Variants in SCN11A observed in about 807,000 individuals in gnomAD.
SCN11A encodes the protein sodium voltage-gated channel alpha subunit 11, also known as sodium channel protein type 11 subunit alpha.
Under a neutral mutation model 162.2 loss-of-function variants are expected in SCN11A, and 122 were observed. That is an observed-to-expected ratio of 0.75 (90% confidence interval 0.65 to 0.87). The LOEUF (loss-of-function observed/expected upper bound fraction) is 0.87, where lower values mean the gene tolerates loss of function less well. Ranked by LOEUF, SCN11A falls within the 40% of genes least tolerant of loss-of-function variation. The pLI is 0.00. For missense variants in SCN11A, 2,015 were observed against 2,181.6 expected, an observed-to-expected ratio of 0.92 and a Z score of 1.52; for synonymous variants, 758 against 751.5, an observed-to-expected ratio of 1.01 and a Z score of -0.14.
At position 38,847,009 on chromosome 3, in the gene SCN11A, G is replaced by A. The variant is rs75856434; in HGVS notation, c.5061C>T (p.Phe1687=). The A allele has an allele frequency of 1.8e-3, 2,879 of 1,614,018 alleles. 43 individuals are homozygous for A. The African/African-American group carries it at 0.033, about 19-fold the overall frequency. ...EDRLHCMDIL[F]AFTARVLGGS... The stretch of plus-strand genomic sequence containing the variant: ...CACCGAGTACCCTAGCGGTGAAGGC[G>A]AAAAGAATATCCATGCAGTGGAGGC... Residue 1687 remains phenylalanine (F), a synonymous_variant, in exon 30 of 30, where the codon TTC becomes TTT. Transcript: ENST00000302328.
intron 1 of SCN11A, among the ~76,000 whole-genome samples, chr3:39,039,687 G>A (rs1363354686): frequency 6.6e-6 from 1 of 152,180 alleles, no homozygotes; most frequent in Non-Finnish European, 1.5e-5. Flanking sequence ...TGCCTGGCCA[G>A]CCACCTGGTA....
intron 2 of SCN11A, among the ~76,000 whole-genome samples, chr3:39,010,701 A>G (rs2031106824): frequency 2.0e-5 from 3 of 152,070 alleles, no homozygotes; most frequent in Admixed American, 2.0e-4. Flanking sequence ...GCCCAGCCTA[A>G]TATTTCTTTT....
At chr3:38,998,563 AC>A (rs763701711) in intron 2 of SCN11A, among the ~76,000 whole-genome samples, 8 of 152,168 alleles carry the variant, frequency 5.3e-5, no homozygotes, top group Non-Finnish European at 1.2e-4. Flanking sequence ...CTGGGTATAT[AC>A]CCAAAGGATT....
At chr3:39,032,106 T>C (rs1298533139) in intron 2 of SCN11A, among the ~76,000 whole-genome samples, 1 of 152,236 alleles carries the variant, frequency 6.6e-6, no homozygotes, top group Non-Finnish European at 1.5e-5. Flanking sequence ...CTAGAACTGA[T>C]GTGTTTAAAA....
chr3:38,909,714 T>C (rs961337995), intron 12 of SCN11A, among the ~76,000 whole-genome samples: 2 of 151,056 alleles, frequency 1.3e-5, no homozygotes, highest in Non-Finnish European at 3.0e-5. Context: ...TTCCAAGTAG[T>C]GGGGATTACA....
intron 11 of SCN11A, among the ~76,000 whole-genome samples, chr3:38,910,631 T>C (rs1351951775): frequency 6.6e-6 from 1 of 152,204 alleles, no homozygotes; most frequent in Non-Finnish European, 1.5e-5. Flanking sequence ...GAACATGCTT[T>C]GCACTCTCCT....
chr3:38,901,750 T>G (rs768738110), intron 16 of SCN11A, among the ~76,000 whole-genome samples: 3 of 152,110 alleles, frequency 2.0e-5, no homozygotes, highest in Non-Finnish European at 2.9e-5. Flanking sequence ...GTGGCTGCCA[T>G]TTTGGTATTG....
chr3:38,882,393 A>G (rs2065323978), intron 22 of SCN11A, among the ~76,000 whole-genome samples: 1 of 152,200 alleles, frequency 6.6e-6, no homozygotes, highest in Non-Finnish European at 1.5e-5. Context: ...GTTTAGTAAT[A>G]TGGAACCAAA....
chr3:38,852,468 C>T (rs1402812064), intron 28 of SCN11A, among the ~76,000 whole-genome samples: 1 of 152,008 alleles, frequency 6.6e-6, no homozygotes, highest in Non-Finnish European at 1.5e-5. Flanking sequence ...GCATAAATTA[C>T]CTAAAGTGTT....
At chr3:38,862,938 G>A (rs1423502155) in intron 28 of SCN11A, among the ~76,000 whole-genome samples, 2 of 152,026 alleles carry the variant, frequency 1.3e-5, no homozygotes, top group Non-Finnish European at 2.9e-5. Context: ...AAACCACTAA[G>A]TTCACATGGT....
At chr3:38,871,145 C>T (rs138547225) in intron 25 of SCN11A, among the ~76,000 whole-genome samples, 4 of 152,300 alleles carry the variant, frequency 2.6e-5, no homozygotes, top group African/African-American at 9.6e-5. Context: ...TCATGACCTA[C>T]ACCTGAGGCT....
intron 7 of SCN11A, among the ~76,000 whole-genome samples, chr3:38,927,511 G>GA (rs1406628493): frequency 8.6e-5 from 13 of 151,448 alleles, no homozygotes; most frequent in African/African-American, 1.5e-4. Flanking sequence ...GAACAATCTT[G>GA]AAAAAAAACA....
intron 7 of SCN11A, among the ~76,000 whole-genome samples, chr3:38,935,256 T>A (rs1466576058): frequency 6.6e-6 from 1 of 151,660 alleles, no homozygotes; most frequent in African/African-American, 2.4e-5. Context: ...TAGCACTAAA[T>A]GCCCACAAGA....
intron 2 of SCN11A, among the ~76,000 whole-genome samples, chr3:38,961,702 T>C (rs2066742189): frequency 6.6e-6 from 1 of 152,200 alleles, no homozygotes; most frequent in South Asian, 2.1e-4. Flanking sequence ...GTAGACTCTT[T>C]AAAAAAATTA....
intron 21 of SCN11A, among the ~76,000 whole-genome samples, chr3:38,883,684 G>C (rs1326450101): frequency 2.0e-5 from 3 of 152,116 alleles, no homozygotes; most frequent in Non-Finnish European, 4.4e-5. Flanking sequence ...GCAAATTCAG[G>C]CTACCCCATT....
chr3:38,944,348 A>C (rs1482759578), intron 7 of SCN11A, among the ~76,000 whole-genome samples: 1 of 148,666 alleles, frequency 6.7e-6, no homozygotes, highest in Non-Finnish European at 1.5e-5. Flanking sequence ...TTTTTTTTTG[A>C]GACAGAGTCT....
intron 2 of SCN11A, among the ~76,000 whole-genome samples, chr3:39,013,712 A>C (rs2031210141): frequency 6.6e-6 from 1 of 152,242 alleles, no homozygotes; most frequent in Non-Finnish European, 1.5e-5. Flanking sequence ...TCTGTCCAAC[A>C]AATAAGGATG....
chr3:38,977,813 TTCTTTCA>T, intron 2 of SCN11A, among the ~76,000 whole-genome samples: 1 of 152,304 alleles, frequency 6.6e-6, no homozygotes, highest in South Asian at 2.1e-4. Context: ...AGATAAGCCA[TTCTTTCA>T]AAGGCATAGC....
Position 38,909,057 on chromosome 3 carries a change from C to T in SCN11A, c.1239G>A (p.Glu413=), listed in dbSNP as rs1380079059. 1.2e-6 allele frequency: 2 copies of T among 1,613,974 alleles called. No homozygotes were observed. Among genetic ancestry groups the T allele is most frequent in the Non-Finnish European group, 1.7e-6 (2 of 1,180,008 alleles). The change falls in exon 13 of 30, where the codon GAG becomes GAA. Residue 413 remains glutamate (E), a synonymous_variant. Coordinates refer to ENST00000302328, the MANE Select transcript of SCN11A (RefSeq NM_001349253.2). ...GAAACATCTTTTCCTTGGCCTCTAT[C>T]TCTGCAGCTACATTCTTGTTCTGCT... ...YEEQNKNVAA[E]IEAKEKMFQE...
Sources: gnomAD v4.1 joint callset for allele counts (sites outside exome capture counted in the v4.1 genomes callset) on GRCh38, gnomAD v4.1.1 for gene constraint, MANE v1.5 for transcripts, NCBI Gene and HGNC (gene_info 2026-07-23, HGNC 2026-07-21) for gene names.